Variants in L3MBTL4 observed in about 807,000 individuals in gnomAD.
L3MBTL4 encodes lethal(3)malignant brain tumor-like protein 4.
A neutral mutation model predicts 84.5 loss-of-function variants in L3MBTL4; 70 were observed. That is an observed-to-expected ratio of 0.83 (90% CI 0.68 to 1.01). The LOEUF (loss-of-function observed/expected upper bound fraction) is 1.01. Ranked by LOEUF, L3MBTL4 falls within the 50% of genes least tolerant of loss-of-function variation. The probability of loss-of-function intolerance (pLI) is 0.00; values close to 1 mark genes in which losing one functional copy is unlikely to be tolerated. For synonymous variants in L3MBTL4, 274 were observed against 259.8 expected (o/e 1.05, Z -0.52); for missense variants, 715 against 754.8 (o/e 0.95, Z 0.62).
At chr18:6,333,999 C>A (rs777427395) in intron 1 of L3MBTL4, among the ~76,000 whole-genome samples, 1 of 152,166 alleles carries the variant, frequency 6.6e-6, no homozygotes, top group Non-Finnish European at 1.5e-5. Context: ...GCATTCCAAA[C>A]GATGCAATAT....
intron 13 of L3MBTL4, among the ~76,000 whole-genome samples, chr18:6,142,872 G>T (rs1293814273): frequency 1.3e-5 from 2 of 152,134 alleles, no homozygotes; most frequent in Non-Finnish European, 2.9e-5. Context: ...CTGGGAGACA[G>T]TGAGACTGTA....
chr18:6,120,817 T>C (rs1338553842), intron 14 of L3MBTL4, among the ~76,000 whole-genome samples: 1 of 152,216 alleles, frequency 6.6e-6, no homozygotes, highest in South Asian at 2.1e-4. Context: ...TCATTCTCAA[T>C]GCAGTACAGC....
In L3MBTL4 at chr18:5,967,155, C is replaced by T. The variant is rs1232701452; in HGVS notation, c.1614+2238G>A. Among the ~76,000 whole-genome samples, 6 of 152,360 alleles carry T rather than the reference C, an allele frequency of 3.9e-5. No homozygotes were observed. In the East Asian group the frequency reaches 1.2e-3, roughly 29 times the overall value. Reference sequence around the variant, plus strand: ...GCAGACTGTGGGCTGTGCACACTTTCTGCCCTGCCTCTGCGGCCTTTCAAA... The same window carrying T: ...GCAGACTGTGGGCTGTGCACACTTTTTGCCCTGCCTCTGCGGCCTTTCAAA... On this transcript the variant is annotated intron_variant, in intron 17 of 18. Coordinates refer to ENST00000317931, the MANE Select transcript of L3MBTL4 (RefSeq NM_001330559.2).
intron 14 of L3MBTL4, among the ~76,000 whole-genome samples, chr18:6,136,319 A>T (rs149031557): frequency 5.9e-4 from 90 of 152,318 alleles, no homozygotes; most frequent in African/African-American, 2.1e-3. Context: ...AGGGTGACTC[A>T]GGAGAATAGG....
At chr18:5,964,812 C>G (rs7235198) in intron 17 of L3MBTL4, among the ~76,000 whole-genome samples, 7,567 of 152,232 alleles carry the variant, frequency 0.05, 587 homozygotes, top group African/African-American at 0.17. Flanking sequence ...CGTGTGCCTA[C>G]ACATATATAC....
chr18:6,369,745 C>T (rs1198757660), intron 1 of L3MBTL4, among the ~76,000 whole-genome samples: 1 of 152,026 alleles, frequency 6.6e-6, no homozygotes, highest in East Asian at 1.9e-4. Flanking sequence ...TCAGGGAGTC[C>T]CAGAACCCAG....
intron 5 of L3MBTL4, among the ~76,000 whole-genome samples, chr18:6,253,143 A>C (rs748000441): frequency 2.0e-5 from 3 of 152,176 alleles, no homozygotes; most frequent in Non-Finnish European, 2.9e-5. Flanking sequence ...TGGAGGTTGC[A>C]ATGAGCCAAG....
At chr18:6,100,730 G>C (rs1468177292) in intron 14 of L3MBTL4, among the ~76,000 whole-genome samples, 2 of 152,224 alleles carry the variant, frequency 1.3e-5, no homozygotes, top group African/African-American at 4.8e-5. Context: ...TGGCTGAGAG[G>C]ACACAGATCC....
chr18:6,094,708 G>A (rs1381074227), intron 14 of L3MBTL4, among the ~76,000 whole-genome samples: 1 of 151,736 alleles, frequency 6.6e-6, no homozygotes, highest in Non-Finnish European at 1.5e-5. Context: ...CAGATTTCTG[G>A]TCCACAATTT....
chr18:6,087,127 T>C (rs2058284778), intron 15 of L3MBTL4, among the ~76,000 whole-genome samples: 1 of 152,196 alleles, frequency 6.6e-6, no homozygotes, highest in African/African-American at 2.4e-5. Flanking sequence ...GGAACAGTAT[T>C]TTCTAAATAT....
intron 13 of L3MBTL4, among the ~76,000 whole-genome samples, chr18:6,158,546 G>A (rs149953706): frequency 1.3e-5 from 2 of 152,296 alleles, no homozygotes; most frequent in African/African-American, 4.8e-5. Context: ...GTGTGTATGT[G>A]CACACTCCTC....
At chr18:6,357,405 T>C (rs2053494755) in intron 1 of L3MBTL4, among the ~76,000 whole-genome samples, 1 of 152,198 alleles carries the variant, frequency 6.6e-6, no homozygotes, top group Non-Finnish European at 1.5e-5. Flanking sequence ...AAATAACTAG[T>C]ACCTTCTTTC....
At chr18:6,030,496 A>G (rs2055736452) in intron 16 of L3MBTL4, 3 of 956,614 alleles carry the variant, frequency 3.1e-6, no homozygotes, top group South Asian at 4.8e-5. Flanking sequence ...TTTAATGAAG[A>G]GACTCTTTTT....
At chr18:6,087,434 A>C (rs1325764608) in intron 15 of L3MBTL4, among the ~76,000 whole-genome samples, 1 of 152,114 alleles carries the variant, frequency 6.6e-6, no homozygotes, top group East Asian at 1.9e-4. Flanking sequence ...TAATCTCTTG[A>C]GTCCTTTCCC....
At chr18:6,026,238 G>T (rs1003921723) in intron 16 of L3MBTL4, among the ~76,000 whole-genome samples, 3 of 152,148 alleles carry the variant, frequency 2.0e-5, no homozygotes, top group Non-Finnish European at 4.4e-5. Flanking sequence ...AAAGGAAAAG[G>T]CTTGGTATAT....
At chr18:6,395,611 G>A (rs2055239870) in intron 1 of L3MBTL4, 1 of 152,126 alleles carries the variant, frequency 6.6e-6, no homozygotes, top group Non-Finnish European at 1.5e-5. Flanking sequence ...TTTAATCATG[G>A]TCTCAGATAA....
intron 4 of L3MBTL4, among the ~76,000 whole-genome samples, chr18:6,264,310 T>C (rs1219335250): frequency 1.3e-5 from 2 of 152,234 alleles, no homozygotes; most frequent in Non-Finnish European, 2.9e-5. Context: ...TTAGGTACCA[T>C]CTTGCTCCTC....
At chr18:6,295,629 T>G (rs1351484552) in intron 4 of L3MBTL4, among the ~76,000 whole-genome samples, 1 of 152,038 alleles carries the variant, frequency 6.6e-6, no homozygotes, top group Non-Finnish European at 1.5e-5. Flanking sequence ...TGAAAACTAC[T>G]TGTTAGAAAG....
chr18:6,093,596 A>G lies in L3MBTL4; in HGVS notation c.1200-68T>C, dbSNP rs542292485. On this transcript the variant is annotated intron_variant, in intron 14 of 18. Coordinates refer to ENST00000317931, the MANE Select transcript of L3MBTL4 (RefSeq NM_001330559.2). Reference sequence around the variant, plus strand: ...GATAAATCAGGGATCCATTGTCATTAGAGCAGACTTACACCTAATATTTAA... The same window carrying G: ...GATAAATCAGGGATCCATTGTCATTGGAGCAGACTTACACCTAATATTTAA... 43 of 1,337,234 alleles carry G rather than the reference A, an allele frequency of 3.2e-5. No individual in the cohort carries two copies. The South Asian group carries it at 5.8e-4, about 18-fold the overall frequency. The allele number at this position is 1,337,234 out of a possible 1,614,324, so 82.8% of individuals were successfully genotyped here.
Sources: allele counts gnomAD v4.1 joint callset (sites outside exome capture counted in the v4.1 genomes callset), GRCh38; gene constraint gnomAD v4.1.1; transcripts MANE v1.5; gene names NCBI Gene and HGNC (gene_info 2026-07-23, HGNC 2026-07-21).